Variants in HCK observed in about 807,000 individuals in gnomAD.
HCK encodes the protein tyrosine-protein kinase HCK.
HCK carries 40 observed loss-of-function variants against 70.4 expected under a neutral mutation model. The ratio of observed to expected loss-of-function variants is 0.57; its 90% CI spans 0.44 to 0.74. The LOEUF (loss-of-function observed/expected upper bound fraction) is 0.74. Ranked by LOEUF, HCK falls within the 30% of genes least tolerant of loss-of-function variation. The pLI, the probability that HCK is intolerant of heterozygous loss-of-function variation, is 0.00. For synonymous variants in HCK, 245 were observed against 263.2 expected, an observed-to-expected ratio of 0.93 and a Z score of 0.67; for missense variants, 568 against 697.2, an observed-to-expected ratio of 0.81 and a Z score of 2.09.
rs1341037095 is a variant in HCK, at chr20:32,101,310, T to A, written c.1379-7T>A. ...CTTCCGTTTCTAATTCCACGGCTCC[T>A]TTTCAGGGATGTCAAACCCTGAAGT... On this transcript the variant is annotated splice_polypyrimidine_tract_variant and splice_region_variant and intron_variant, in intron 12 of 12. Transcript: ENST00000375852. 1.2e-6 allele frequency: 2 copies of A among 1,613,032 alleles called. No homozygotes were observed. The highest frequency in any genetic ancestry group is 1.7e-6 in the Non-Finnish European group (2 of 1,179,552).
intron 4 of HCK, 139 bp from the exon 5 acceptor site, chr20:32,074,484 C>A: frequency 1.5e-6 from 1 of 668,368 alleles, no homozygotes. Flanking sequence ...CATGCTGGGG[C>A]TGACATAGTC....
Position 32,052,383 on chromosome 20 carries a change from G to A in HCK, c.-42G>A, listed in dbSNP as rs1329663201. The A allele has an allele frequency of 1.6e-5, 21 of 1,277,542 alleles. No homozygotes were observed. Among genetic ancestry groups the A allele is most frequent in the Non-Finnish European group, 2.1e-5 (21 of 1,000,548 alleles). 79.1% of individuals were successfully genotyped at this position (1,277,542 alleles called of 1,614,324 possible). On this transcript the variant is annotated 5_prime_UTR_variant, in exon 1 of 13. Coordinates refer to ENST00000375852, the MANE Select transcript of HCK (RefSeq NM_002110.5). ...CCCCGCCTCTAGTTCTAGAAAGTCA[G>A]TTTCCCGGCACTGGCACCCCGGAAC...
At chr20:32,080,828 C>T (rs2045699325) in intron 6 of HCK, among the ~76,000 whole-genome samples, 2 of 151,746 alleles carry the variant, frequency 1.3e-5, no homozygotes, top group Admixed American at 1.3e-4. Flanking sequence ...TTTTAAATAC[C>T]CGTAACAGAC....
chr20:32,092,073 G>C (rs2045871538), intron 10 of HCK, among the ~76,000 whole-genome samples: 1 of 152,120 alleles, frequency 6.6e-6, no homozygotes. Context: ...CCCCTTGCAA[G>C]TGCGCCACCC....
At chr20:32,093,746 G>A in intron 10 of HCK, 117 bp from the exon 11 acceptor site, 1 of 921,480 alleles carries the variant, frequency 1.1e-6, no homozygotes. Flanking sequence ...ACAAAAGGGA[G>A]GGCTGGTGCA....
rs140430181 is a variant in HCK at position 32,071,170 on chromosome 20, C to A, written c.63-492C>A. The stretch of plus-strand genomic sequence containing the variant: ...AGTGTTTGCTCTGAGCCTGACACTG[C>A]ACTGAGTATTTCCCCACTGTAGGTC... On this transcript the variant is annotated intron_variant, in intron 1 of 12. Coordinates refer to ENST00000375852, the MANE Select transcript of HCK (RefSeq NM_002110.5). Among the ~76,000 whole-genome samples, 27 of 152,274 alleles carry A rather than the reference C, an allele frequency of 1.8e-4. No homozygotes were observed. In the East Asian group the frequency reaches 4.6e-3, roughly 26 times the overall value.
At chr20:32,074,950 C>T (rs901107077) in intron 5 of HCK, among the ~76,000 whole-genome samples, 6 of 152,132 alleles carry the variant, frequency 3.9e-5, no homozygotes, top group African/African-American at 1.4e-4. Flanking sequence ...GTTTTAATCC[C>T]TTCTGAACAT....
intron 4 of HCK, 57 bp from the exon 5 acceptor site, chr20:32,074,566 G>A: frequency 7.7e-7 from 1 of 1,304,306 alleles, no homozygotes; most frequent in East Asian, 2.3e-5. Flanking sequence ...GGGAGCTTGA[G>A]GAGACTGGAG....
At chr20:32,058,747 A>G (rs1431307644) in intron 1 of HCK, among the ~76,000 whole-genome samples, 2 of 151,752 alleles carry the variant, frequency 1.3e-5, no homozygotes, top group African/African-American at 2.4e-5. Flanking sequence ...GATTCCAGAG[A>G]CCCTCCTAGG....
At chr20:32,079,490 C>T (rs1293077710) in intron 5 of HCK, among the ~76,000 whole-genome samples, 1 of 152,170 alleles carries the variant, frequency 6.6e-6, no homozygotes, top group Non-Finnish European at 1.5e-5. Context: ...CTTGTTAATG[C>T]TGTATTATTT....
rs953656294 is a variant in HCK at position 32,094,155 on chromosome 20, C to T, written c.1246+139C>T. On this transcript the variant is annotated intron_variant, in intron 11 of 12. Transcript: ENST00000375852. The stretch of plus-strand genomic sequence containing the variant: ...TGTGCATTCTTGAGCTTGGTGGATC[C>T]TTCTGGATAATGTCCTGAACTTCAG... 5.4e-5 allele frequency: 41 copies of T among 765,498 alleles called. No individual in the cohort carries two copies. In the East Asian group the frequency reaches 1.0e-3, roughly 19 times the overall value. The allele number at this position is 765,498 out of a possible 1,614,324, so 47.4% of individuals were successfully genotyped here.
intron 11 of HCK, among the ~76,000 whole-genome samples, chr20:32,095,538 T>C (rs537573913): frequency 6.6e-6 from 1 of 152,190 alleles, no homozygotes; most frequent in East Asian, 1.9e-4. Context: ...ATTACAGGTG[T>C]GAGCCACCAT....
chr20:32,074,866 T>C, intron 5 of HCK, 145 bp downstream of exon 5: 1 of 614,354 alleles, frequency 1.6e-6, no homozygotes, highest in South Asian at 1.9e-5. Flanking sequence ...TTCTCTTCCT[T>C]CAGGTTTCAT....
chr20:32,060,115 T>C (rs1183718219), intron 1 of HCK, among the ~76,000 whole-genome samples: 1 of 152,116 alleles, frequency 6.6e-6, no homozygotes, highest in Non-Finnish European at 1.5e-5. Context: ...AAACTTCCAC[T>C]CAGCGGCAGC....
In HCK at chr20:32,066,439, G is replaced by T. The variant is rs992666931; in HGVS notation, c.63-5223G>T. ...CGATTCTCCTACCTCAGCCTCCCAA[G>T]TAGCTGGGATTACAGGTGTGCGCCG... On this transcript the variant is annotated intron_variant, in intron 1 of 12. Transcript: ENST00000375852. Among the ~76,000 whole-genome samples the T allele has an allele frequency of 9.5e-5, 14 of 147,432 alleles. No homozygotes were observed. In the South Asian group the frequency reaches 2.7e-3, roughly 28 times the overall value.
chr20:32,060,306 T>C (rs2045349190), intron 1 of HCK, among the ~76,000 whole-genome samples: 1 of 152,164 alleles, frequency 6.6e-6, no homozygotes, highest in African/African-American at 2.4e-5. Context: ...CTGCAACCTC[T>C]GCCTCTTGAG....
At chr20:32,068,801 A>G (rs1011641735) in intron 1 of HCK, among the ~76,000 whole-genome samples, 1 of 151,610 alleles carries the variant, frequency 6.6e-6, no homozygotes, top group Non-Finnish European at 1.5e-5. Flanking sequence ...AAGATTAGCC[A>G]GGCATGGTAG....
chr20:32,079,950 T>C (rs983345010), intron 6 of HCK, 73 bp downstream of exon 6: 5 of 1,123,222 alleles, frequency 4.5e-6, no homozygotes, highest in Non-Finnish European at 6.6e-6. Flanking sequence ...ACCCTTTCCT[T>C]GGAAAATGCC....
Position 32,073,755 on chromosome 20 carries a change from AC to A in HCK, c.267del (p.Tyr89Ter), listed in dbSNP as rs1240167605. On this transcript the variant is annotated frameshift_variant, in exon 4 of 13. Transcript: ENST00000375852. LOFTEE classifies it high-confidence loss of function. ...ATCATCGTGGTTGCCCTGTATGATT[AC>A]GAGGCCATTCACCACGAAGACCTCA... 6.4e-7 allele frequency: 1 copy of A among 1,558,470 alleles called. No homozygotes were observed.
Sources: gnomAD v4.1 joint callset for allele counts (sites outside exome capture counted in the v4.1 genomes callset) on GRCh38, gnomAD v4.1.1 for gene constraint, MANE v1.5 for transcripts, NCBI Gene and HGNC (gene_info 2026-07-23, HGNC 2026-07-21) for gene names.